Variants in FRK observed in about 807,000 individuals in gnomAD.
The protein encoded by FRK is tyrosine-protein kinase FRK.
Under a neutral mutation model 56.4 loss-of-function variants are expected in FRK, and 51 were observed. That is an observed-to-expected ratio of 0.90 (90% CI 0.72 to 1.14). The LOEUF is 1.14. Ranked by LOEUF, FRK falls within the 50% of genes most tolerant of loss-of-function variation. The probability of loss-of-function intolerance (pLI) is 0.00; values close to 1 mark genes in which losing one functional copy is unlikely to be tolerated. For missense variants in FRK, 570 were observed against 601.4 expected, an observed-to-expected ratio of 0.95 and a Z score of 0.55; for synonymous variants, 245 against 217.9, an observed-to-expected ratio of 1.12 and a Z score of -1.10.
intron 1 of FRK, 22 bp from the exon 2 acceptor site, chr6:116,004,020 T>C (rs773564517): frequency 1.7e-5 from 28 of 1,603,524 alleles, no homozygotes; most frequent in Middle Eastern, 1.7e-4. Context: ...GATATGTAAA[T>C]GTTAAGTAAC....
intron 5 of FRK, among the ~76,000 whole-genome samples, chr6:115,950,860 T>C (rs1772716044): frequency 6.6e-6 from 1 of 152,226 alleles, no homozygotes; most frequent in Non-Finnish European, 1.5e-5. Context: ...TGAGTTCATG[T>C]CCTTTGCAGG....
rs961278324 is a variant in FRK at position 115,942,259 on chromosome 6, C to G, written c.*155G>C. On this transcript the variant is annotated 3_prime_UTR_variant, in exon 8 of 8. Coordinates refer to ENST00000606080, the MANE Select transcript of FRK (RefSeq NM_002031.3). ...AGTGTTGCCCAGTCAATAAAATGCA[C>G]AAATAATCTTTTTCATAATACATGG... is the stretch of plus-strand genomic sequence containing the variant. 1.1e-5 allele frequency: 7 copies of G among 641,442 alleles called. No homozygotes were observed. The African/African-American group carries it at 1.3e-4, about 12-fold the overall frequency. The allele number at this position is 641,442 out of a possible 1,614,324, so 39.7% of individuals were successfully genotyped here. A position where few individuals can be genotyped will look rare whatever the true frequency, so the allele number is the denominator to read the frequency against.
At chr6:115,945,763 C>T (rs1478580428) in intron 5 of FRK, among the ~76,000 whole-genome samples, 1 of 152,056 alleles carries the variant, frequency 6.6e-6, no homozygotes, top group Non-Finnish European at 1.5e-5. Context: ...ATTTCTCTGC[C>T]TTAGTCTGTT....
intron 1 of FRK, among the ~76,000 whole-genome samples, chr6:116,048,598 C>G (rs1777066910): frequency 6.6e-6 from 1 of 152,042 alleles, no homozygotes; most frequent in Admixed American, 6.6e-5. Context: ...GTTGCCCAGG[C>G]TGGTCTCAAA....
At chr6:116,047,149 C>G (rs1365976438) in intron 1 of FRK, among the ~76,000 whole-genome samples, 1 of 151,888 alleles carries the variant, frequency 6.6e-6, no homozygotes, top group Non-Finnish European at 1.5e-5. Context: ...TCACCCATGA[C>G]AAAAACTGAT....
At chr6:116,009,640 A>G (rs544849718) in intron 1 of FRK, among the ~76,000 whole-genome samples, 17 of 152,352 alleles carry the variant, frequency 1.1e-4, no homozygotes, top group African/African-American at 4.1e-4. Flanking sequence ...GAAGAAGATT[A>G]AACTCATGAT....
chr6:116,067,005 C>T, the FRK span, among the ~76,000 whole-genome samples: 4 of 152,092 alleles, frequency 2.6e-5, no homozygotes, highest in African/African-American at 9.7e-5. Flanking sequence ...TTTGGAAATA[C>T]GGTCTTTACA....
intron 2 of FRK, among the ~76,000 whole-genome samples, chr6:115,979,446 AAG>A (rs749301284): frequency 1.1e-4 from 17 of 152,308 alleles, no homozygotes; most frequent in Non-Finnish European, 2.4e-4. Flanking sequence ...GTTATTACAA[AAG>A]AGTCAAAATA....
chr6:116,019,063 T>G (rs1337008300), intron 1 of FRK, among the ~76,000 whole-genome samples: 1 of 152,202 alleles, frequency 6.6e-6, no homozygotes, highest in Non-Finnish European at 1.5e-5. Flanking sequence ...GCAAGGGGCT[T>G]GTGGTAGGAA....
the FRK span, among the ~76,000 whole-genome samples, chr6:116,070,328 C>CA: frequency 1.3e-5 from 2 of 152,028 alleles, no homozygotes; most frequent in Non-Finnish European, 2.9e-5. Context: ...TGGGGGGCTG[C>CA]ATGGGTAAAG....
upstream of FRK, among the ~76,000 whole-genome samples, chr6:116,063,063 A>G (rs559120405): frequency 7.4e-4 from 112 of 152,274 alleles, 1 homozygote; most frequent in Middle Eastern, 6.8e-3. Context: ...TTTATAGAGT[A>G]GTTTTTATAA....
At chr6:115,946,286 G>C (rs889562125) in intron 5 of FRK, among the ~76,000 whole-genome samples, 2 of 151,640 alleles carry the variant, frequency 1.3e-5, no homozygotes, top group East Asian at 3.8e-4. Flanking sequence ...GGATATGCCT[G>C]ATATTTCTTT....
the FRK span, among the ~76,000 whole-genome samples, chr6:116,074,545 T>C: frequency 1.3e-5 from 2 of 152,228 alleles, no homozygotes; most frequent in Non-Finnish European, 2.9e-5. Context: ...TTTAAAAATA[T>C]ATTTTAGTGA....
chr6:116,079,212 C>A, the FRK span, among the ~76,000 whole-genome samples: 2 of 151,728 alleles, frequency 1.3e-5, no homozygotes, highest in South Asian at 4.2e-4. Context: ...CCTCTTGCTC[C>A]ACATCTTTGC....
chr6:115,953,151 C>T (rs1298426875), intron 5 of FRK, among the ~76,000 whole-genome samples: 6 of 138,982 alleles, frequency 4.3e-5, no homozygotes, highest in Admixed American at 1.4e-4. Context: ...TGATGGGCTA[C>T]TTAAGAGTGG....
At chr6:116,003,501 T>C (rs1475257183) in intron 2 of FRK, among the ~76,000 whole-genome samples, 2 of 152,212 alleles carry the variant, frequency 1.3e-5, no homozygotes, top group African/African-American at 4.8e-5. Flanking sequence ...GCAAAGAGAA[T>C]TGAAATGCCA....
chr6:116,092,279 G>C, the FRK span, among the ~76,000 whole-genome samples: 1 of 152,152 alleles, frequency 6.6e-6, no homozygotes, highest in African/African-American at 2.4e-5. Context: ...GGGAGTCTCA[G>C]AAATGATATC....
Position 115,958,064 on chromosome 6 carries a change from G to A in FRK, c.800-1454C>T, listed in dbSNP as rs573901631. Among the ~76,000 whole-genome samples the A allele has an allele frequency of 1.1e-4, 16 of 152,224 alleles. 1 individual carries two copies. In the South Asian group the frequency reaches 2.7e-3, roughly 26 times the overall value. ...AGAGAGAGAATAGGAGAAAATGGCC[G>A]ATTCTCTTTTCCGTTACATGTTTCT... On this transcript the variant is annotated intron_variant, in intron 4 of 7. Transcript: ENST00000606080.
rs1486404445 is a variant in FRK at position 115,937,841 on chromosome 6, A to G, written c.*4573T>C. 1 of 152,128 alleles carries G rather than the reference A, an allele frequency of 6.6e-6. No homozygotes were observed. Among genetic ancestry groups the G allele is most frequent in the Non-Finnish European group, 1.5e-5 (1 of 67,996 alleles). 9.4% of individuals were successfully genotyped at this position (152,128 alleles called of 1,614,324 possible). A position where few individuals can be genotyped will look rare whatever the true frequency, so the allele number is the denominator to read the frequency against. On this transcript the variant is annotated 3_prime_UTR_variant, in exon 8 of 8. Coordinates refer to ENST00000606080, the MANE Select transcript of FRK (RefSeq NM_002031.3). The stretch of plus-strand genomic sequence containing the variant: ...GATTCATAAAGCAAGTTCTTAGAGA[A>G]CTACAAAGAGACTTAGACTCCCACA...
Sources: gnomAD v4.1 joint callset for allele counts (sites outside exome capture counted in the v4.1 genomes callset) on GRCh38, gnomAD v4.1.1 for gene constraint, MANE v1.5 for transcripts, NCBI Gene and HGNC (gene_info 2026-07-23, HGNC 2026-07-21) for gene names.